The following SNX29 variants were observed in gnomAD, a reference collection of about 807,000 sequenced individuals.
The protein encoded by SNX29 is sorting nexin 29.
SNX29 carries 78 observed loss-of-function variants against 102.1 expected under a neutral mutation model. The ratio of observed to expected loss-of-function variants is 0.76; its 90% CI spans 0.64 to 0.92. The LOEUF (loss-of-function observed/expected upper bound fraction) is 0.92, where lower values mean the gene tolerates loss of function less well. SNX29 is among the 40% of genes least tolerant of loss of function. SNX29 has a pLI of 0.00. For synonymous variants in SNX29, 580 were observed against 414.5 expected, an observed-to-expected ratio of 1.40 and a Z score of -4.85; for missense variants, 1,280 against 1,061.7, an observed-to-expected ratio of 1.21 and a Z score of -2.86.
At chr16:12,508,740 C>G (rs1329158867) in intron 19 of SNX29, among the ~76,000 whole-genome samples, 37 of 152,078 alleles carry the variant, frequency 2.4e-4, no homozygotes, top group Admixed American at 2.4e-3. Flanking sequence ...TCTTTTATCT[C>G]CACCAGCTCC....
intron 13 of SNX29, among the ~76,000 whole-genome samples, chr16:12,172,047 C>G (rs1014909484): frequency 6.6e-6 from 1 of 152,164 alleles, no homozygotes; most frequent in Non-Finnish European, 1.5e-5. Flanking sequence ...ACTTATTTTT[C>G]TAAATTACAC....
At chr16:12,365,177 T>C (rs903383499) in intron 16 of SNX29, among the ~76,000 whole-genome samples, 2 of 152,164 alleles carry the variant, frequency 1.3e-5, no homozygotes, top group African/African-American at 2.4e-5. Flanking sequence ...AAGCAAAATA[T>C]GGTGTCTGTT....
chr16:12,182,599 C>G (rs369460182), intron 13 of SNX29, among the ~76,000 whole-genome samples: 5 of 152,234 alleles, frequency 3.3e-5, no homozygotes, highest in African/African-American at 4.8e-5. Context: ...CCAGTTACCT[C>G]TAGCCTGAGT....
At chr16:11,979,275 C>CAAAAAAAAAAAAA (rs71139569) in intron 1 of SNX29, among the ~76,000 whole-genome samples, 4 of 61,994 alleles carry the variant, frequency 6.5e-5, no homozygotes, top group African/African-American at 3.0e-4. Context: ...ACTCAGTCTC[C>CAAAAAAAAAAAAA]AAAAAAAAAA....
chr16:12,450,423 C>A (rs1218449069), intron 18 of SNX29, among the ~76,000 whole-genome samples: 1 of 152,174 alleles, frequency 6.6e-6, no homozygotes, highest in African/African-American at 2.4e-5. Context: ...AACTTGACTT[C>A]AAGTCAGTGA....
intron 14 of SNX29, among the ~76,000 whole-genome samples, chr16:12,229,478 G>C (rs796632952): frequency 6.6e-6 from 1 of 152,172 alleles, no homozygotes; most frequent in Non-Finnish European, 1.5e-5. Flanking sequence ...CCCAGCATGA[G>C]TTTTTGCCAA....
chr16:12,180,657 A>G (rs1382738471), intron 13 of SNX29, among the ~76,000 whole-genome samples: 1 of 151,886 alleles, frequency 6.6e-6, no homozygotes, highest in Admixed American at 6.6e-5. Context: ...CTAATTTTTT[A>G]AATATTTTTA....
At chr16:12,156,736 G>A (rs1361180503) in intron 13 of SNX29, among the ~76,000 whole-genome samples, 10 of 152,244 alleles carry the variant, frequency 6.6e-5, no homozygotes, top group Admixed American at 6.5e-4. Context: ...AGCCGACTTG[G>A]CCAAATGAAT....
At chr16:12,121,196 G>A (rs1448111368) in intron 11 of SNX29, among the ~76,000 whole-genome samples, 1 of 152,236 alleles carries the variant, frequency 6.6e-6, no homozygotes, top group Non-Finnish European at 1.5e-5. Context: ...GGGCAGAGGT[G>A]CAGATGGGCA....
chr16:12,500,037 G>C (rs562544782), intron 19 of SNX29, among the ~76,000 whole-genome samples: 2 of 151,946 alleles, frequency 1.3e-5, no homozygotes, highest in African/African-American at 2.4e-5. Context: ...TGTCACCCAG[G>C]TAGGAGTACA....
intron 19 of SNX29, among the ~76,000 whole-genome samples, chr16:12,523,965 C>A (rs558481504): frequency 6.6e-6 from 1 of 152,148 alleles, no homozygotes; most frequent in Non-Finnish European, 1.5e-5. Flanking sequence ...TGGCTCACCA[C>A]AGCCTCTGCC....
chr16:12,143,251 C>A (rs1234051638), intron 13 of SNX29, among the ~76,000 whole-genome samples: 1 of 152,178 alleles, frequency 6.6e-6, no homozygotes, highest in Non-Finnish European at 1.5e-5. Flanking sequence ...TCCACCTCGG[C>A]CTCCCAAAGT....
At chr16:12,192,652 C>A (rs929435113) in intron 13 of SNX29, among the ~76,000 whole-genome samples, 1 of 152,078 alleles carries the variant, frequency 6.6e-6, no homozygotes, top group Non-Finnish European at 1.5e-5. Flanking sequence ...GCTGGGACTA[C>A]AGGCACATGT....
chr16:12,553,321 C>T (rs2078107720), intron 20 of SNX29, among the ~76,000 whole-genome samples: 1 of 152,170 alleles, frequency 6.6e-6, no homozygotes, highest in Non-Finnish European at 1.5e-5. Flanking sequence ...TGGGAAACGC[C>T]CTAACAAGGC....
intron 1 of SNX29, among the ~76,000 whole-genome samples, chr16:11,978,345 G>C (rs561612387): frequency 1.4e-4 from 21 of 152,332 alleles, no homozygotes; most frequent in African/African-American, 4.8e-4. Flanking sequence ...CAGACATCCT[G>C]GGTTCAAATC....
intron 3 of SNX29, among the ~76,000 whole-genome samples, chr16:12,025,465 T>C (rs927326408): frequency 3.3e-5 from 5 of 152,154 alleles, no homozygotes; most frequent in Non-Finnish European, 7.4e-5. Context: ...ACCTACCCAC[T>C]GGAAAAAGAT....
chr16:12,410,211 G>A (rs2084342028), intron 18 of SNX29, among the ~76,000 whole-genome samples: 1 of 152,140 alleles, frequency 6.6e-6, no homozygotes, highest in Non-Finnish European at 1.5e-5. Context: ...AGCCAGGGTG[G>A]TCTTGATCTT....
chr16:12,274,751 T>C (rs1165127545), intron 14 of SNX29, among the ~76,000 whole-genome samples: 2 of 152,100 alleles, frequency 1.3e-5, no homozygotes, highest in Middle Eastern at 3.2e-3. Context: ...TGCCCAGGCT[T>C]GTATTCTATT....
At chr16:12,479,998 A>C (rs1193505275) in intron 19 of SNX29, among the ~76,000 whole-genome samples, 1 of 152,198 alleles carries the variant, frequency 6.6e-6, no homozygotes, top group Admixed American at 6.5e-5. Flanking sequence ...AAGCAAAATG[A>C]CATATTGTGT....
Sources: allele counts gnomAD v4.1 joint callset (sites outside exome capture counted in the v4.1 genomes callset), GRCh38; gene constraint gnomAD v4.1.1; transcripts MANE v1.5; gene names NCBI Gene and HGNC (gene_info 2026-07-23, HGNC 2026-07-21).